Variants in MYT1L observed in about 807,000 individuals in gnomAD.
MYT1L encodes myelin transcription factor 1-like protein.
In MYT1L, 12 loss-of-function variants were observed where a neutral mutation model predicts 126.7. That is an observed-to-expected ratio of 0.09 (90% confidence interval 0.06 to 0.15). The LOEUF (loss-of-function observed/expected upper bound fraction) is 0.15. Among genes scored for constraint, MYT1L ranks in the 10% least tolerant of loss-of-function variants. The probability of loss-of-function intolerance (pLI) is 1.00; values close to 1 mark genes in which losing one functional copy is unlikely to be tolerated. For missense variants in MYT1L, 979 were observed against 1,585.2 expected, an observed-to-expected ratio of 0.62 and a Z score of 6.49; for synonymous variants, 541 against 604.2, an observed-to-expected ratio of 0.90 and a Z score of 1.53.
chr2:1,837,152 A>G (rs1027993758), intron 21 of MYT1L, among the ~76,000 whole-genome samples: 1 of 152,174 alleles, frequency 6.6e-6, no homozygotes, highest in Non-Finnish European at 1.5e-5. Flanking sequence ...TGACCCTAAC[A>G]TACAATGCAA....
At chr2:2,272,011 G>A (rs1480302558) in intron 2 of MYT1L, among the ~76,000 whole-genome samples, 1 of 152,138 alleles carries the variant, frequency 6.6e-6, no homozygotes, top group Non-Finnish European at 1.5e-5. Context: ...CAGGCTACAC[G>A]GCTGCCTGAA....
chr2:1,836,311 C>T lies in MYT1L; in HGVS notation c.3080+2838G>A, dbSNP rs948156624. ...CCAATACTCCATCAGCCTGCCCCCC[C>T]AAGATTCCATCAACGTGCACTCCAA... is the stretch of plus-strand genomic sequence containing the variant. On this transcript the variant is annotated intron_variant, in intron 21 of 24. Transcript: ENST00000647738. Among the ~76,000 whole-genome samples the T allele has an allele frequency of 2.2e-5, 3 of 137,874 alleles. No homozygotes were observed. In the South Asian group the frequency reaches 7.2e-4, roughly 33 times the overall value. 90.5% of individuals were successfully genotyped at this position (137,874 alleles called of 152,430 possible). A position where few individuals can be genotyped will look rare whatever the true frequency, so the allele number is the denominator to read the frequency against.
At chr2:2,304,738 CT>C (rs2095836540) in intron 1 of MYT1L, among the ~76,000 whole-genome samples, 1 of 152,204 alleles carries the variant, frequency 6.6e-6, no homozygotes, top group African/African-American at 2.4e-5. Context: ...AGCAAGTTGT[CT>C]GGATTTGGCA....
chr2:1,911,256 G>T (rs2051927135), intron 12 of MYT1L, among the ~76,000 whole-genome samples: 1 of 152,178 alleles, frequency 6.6e-6, no homozygotes, highest in South Asian at 2.1e-4. Context: ...AGGTTTGCCA[G>T]TCAGACAAGC....
intron 18 of MYT1L, among the ~76,000 whole-genome samples, chr2:1,882,722 A>G (rs1408755137): frequency 6.6e-6 from 1 of 152,182 alleles, no homozygotes; most frequent in East Asian, 1.9e-4. Context: ...CACCCGAACA[A>G]TGGAAGCTGT....
At chr2:1,818,576 T>TC (rs1245336788) in intron 21 of MYT1L, among the ~76,000 whole-genome samples, 1 of 152,200 alleles carries the variant, frequency 6.6e-6, no homozygotes, top group African/African-American at 2.4e-5. Flanking sequence ...GAGCATCTCC[T>TC]CAATAAGCAA....
rs200129852 is a variant in MYT1L at position 1,874,201 on chromosome 2, T to C, written c.2711+12338A>G. 1.8e-4 allele frequency among the ~76,000 whole-genome samples: 27 copies of C among 147,224 alleles called. 1 individual carries two copies. In the South Asian group the frequency reaches 5.6e-3, roughly 31 times the overall value. On this transcript the variant is annotated intron_variant, in intron 18 of 24. Transcript: ENST00000647738. ...AAACAGGAAACGCTCTTTTTTTTTT[T>C]TCCCCCAAGATGAATTTTAAATGTA...
chr2:2,028,732 A>G (rs754314976), intron 4 of MYT1L, among the ~76,000 whole-genome samples: 9 of 152,218 alleles, frequency 5.9e-5, no homozygotes, highest in Non-Finnish European at 1.0e-4. Context: ...CATTGATTCA[A>G]TAGACTTTTC....
chr2:1,969,241 G>T (rs908680499), intron 8 of MYT1L, among the ~76,000 whole-genome samples: 1 of 152,226 alleles, frequency 6.6e-6, no homozygotes, highest in African/African-American at 2.4e-5. Context: ...GGGAGGAGCT[G>T]TGGGAACGCC....
At chr2:2,113,028 G>A (rs969041716) in intron 3 of MYT1L, among the ~76,000 whole-genome samples, 4 of 152,298 alleles carry the variant, frequency 2.6e-5, no homozygotes, top group South Asian at 2.1e-4. Flanking sequence ...CTGTGGCCAC[G>A]ACGAGGAGCA....
At chr2:1,994,225 T>G (rs2061654266) in intron 5 of MYT1L, among the ~76,000 whole-genome samples, 1 of 152,240 alleles carries the variant, frequency 6.6e-6, no homozygotes, top group South Asian at 2.1e-4. Context: ...CTGACGGGCC[T>G]GTTCCTTCCG....
intron 2 of MYT1L, among the ~76,000 whole-genome samples, chr2:2,215,427 C>A (rs1431730193): frequency 6.6e-6 from 1 of 152,022 alleles, no homozygotes; most frequent in Admixed American, 6.6e-5. Flanking sequence ...GCTTTCAAAG[C>A]AAAGCATACT....
At chr2:2,287,807 C>A (rs1297355256) in intron 1 of MYT1L, among the ~76,000 whole-genome samples, 2 of 152,186 alleles carry the variant, frequency 1.3e-5, no homozygotes, top group Non-Finnish European at 2.9e-5. Flanking sequence ...AGAAGAGAAG[C>A]ACTTGCCTTG....
At chr2:2,305,907 G>A (rs1420712333) in intron 1 of MYT1L, 1 of 152,178 alleles carries the variant, frequency 6.6e-6, no homozygotes, top group Non-Finnish European at 1.5e-5. Flanking sequence ...TGAGAGTTGG[G>A]TGGGGACACA....
chr2:1,958,623 GC>G (rs934735542), intron 8 of MYT1L, among the ~76,000 whole-genome samples: 3 of 152,226 alleles, frequency 2.0e-5, no homozygotes, highest in African/African-American at 4.8e-5. Context: ...CTCCGTCAGA[GC>G]CGCTCTGTGC....
At chr2:1,971,782 T>G (rs1014472166) in intron 8 of MYT1L, among the ~76,000 whole-genome samples, 1 of 152,084 alleles carries the variant, frequency 6.6e-6, no homozygotes, top group East Asian at 1.9e-4. Flanking sequence ...CTGAATTTTG[T>G]GTCTGCAAAT....
chr2:1,975,057 G>A (rs898018058), intron 8 of MYT1L, among the ~76,000 whole-genome samples: 10 of 151,928 alleles, frequency 6.6e-5, no homozygotes, highest in Admixed American at 6.6e-4. Context: ...TTTAACCAGA[G>A]TTTTAAATCA....
At chr2:2,273,031 C>T (rs745907422) in intron 2 of MYT1L, among the ~76,000 whole-genome samples, 2 of 152,138 alleles carry the variant, frequency 1.3e-5, no homozygotes, top group Non-Finnish European at 2.9e-5. Context: ...CCCAGGAGCT[C>T]TCAGGGGCCT....
intron 1 of MYT1L, among the ~76,000 whole-genome samples, chr2:2,301,484 A>G (rs1473915459): frequency 1.3e-5 from 2 of 152,214 alleles, no homozygotes; most frequent in African/African-American, 4.8e-5. Flanking sequence ...AAATAAAACA[A>G]AAATGGAAGG....
Sources: allele counts gnomAD v4.1 joint callset (sites outside exome capture counted in the v4.1 genomes callset), GRCh38; gene constraint gnomAD v4.1.1; transcripts MANE v1.5; gene names NCBI Gene and HGNC (gene_info 2026-07-23, HGNC 2026-07-21).